The following LDLRAD3 variants were observed in gnomAD, a reference collection of about 807,000 sequenced individuals.
The protein encoded by LDLRAD3 is low density lipoprotein receptor class A domain containing 3.
A neutral mutation model predicts 29.4 loss-of-function variants in LDLRAD3; 20 were observed. That is an observed-to-expected ratio of 0.68 (90% CI 0.48 to 0.99). LDLRAD3 has a LOEUF of 0.99. Ranked by LOEUF, LDLRAD3 falls within the 50% of genes least tolerant of loss-of-function variation. LDLRAD3 has a pLI of 0.00. For missense variants in LDLRAD3, 420 were observed against 454.3 expected (o/e 0.92, Z 0.69); for synonymous variants, 157 against 192.7 (o/e 0.81, Z 1.53).
intron 1 of LDLRAD3, among the ~76,000 whole-genome samples, chr11:36,015,575 C>T (rs919006045): frequency 6.6e-6 from 1 of 152,072 alleles, no homozygotes; most frequent in African/African-American, 2.4e-5. Context: ...ATGAAGTAAA[C>T]ACACCTGGGG....
chr11:36,032,853 C>G (rs1590216740), intron 1 of LDLRAD3, among the ~76,000 whole-genome samples: 1 of 151,822 alleles, frequency 6.6e-6, no homozygotes, highest in Admixed American at 6.6e-5. Flanking sequence ...AAGATTTAAC[C>G]TGCCTTTGCC....
chr11:36,226,672 C>T (rs181623282), intron 4 of LDLRAD3, among the ~76,000 whole-genome samples: 204 of 152,294 alleles, frequency 1.3e-3, no homozygotes, highest in African/African-American at 4.8e-3. Flanking sequence ...ATTCCTCATA[C>T]CCATTGACTG....
chr11:36,154,158 C>T (rs1854314904), intron 4 of LDLRAD3, among the ~76,000 whole-genome samples: 1 of 152,168 alleles, frequency 6.6e-6, no homozygotes. Context: ...AGAATGTTCT[C>T]TCGCATTCTG....
chr11:35,951,140 T>C (rs1014075862), intron 1 of LDLRAD3, among the ~76,000 whole-genome samples: 8 of 152,128 alleles, frequency 5.3e-5, no homozygotes, highest in Non-Finnish European at 1.0e-4. Context: ...GATACAAAAT[T>C]CATACAAATT....
chr11:36,012,477 A>C (rs1028261630), intron 1 of LDLRAD3, among the ~76,000 whole-genome samples: 3 of 152,188 alleles, frequency 2.0e-5, no homozygotes, highest in African/African-American at 7.2e-5. Context: ...GGCATACCTG[A>C]ATTACCAGCA....
chr11:36,231,481 C>T lies in LDLRAD3; in HGVS notation c.*2084C>T, dbSNP rs2133398283. 1 of 152,148 alleles carries T rather than the reference C, an allele frequency of 6.6e-6. No homozygotes were observed. Among genetic ancestry groups the T allele is most frequent in the East Asian group, 1.9e-4 (1 of 5,180 alleles). 9.4% of individuals were successfully genotyped at this position (152,148 alleles called of 1,614,324 possible). A position where few individuals can be genotyped will look rare whatever the true frequency, so the allele number is the denominator to read the frequency against. On this transcript the variant is annotated 3_prime_UTR_variant, in exon 6 of 6. Coordinates refer to ENST00000315571, the MANE Select transcript of LDLRAD3 (RefSeq NM_174902.4). The stretch of plus-strand genomic sequence containing the variant: ...GTGAGTCAGAAGGGCTTTATTTCTC[C>T]CTTTGATGGGGCCCCTTCTTCTTTC...
chr11:36,204,981 C>A (rs1052033705), intron 4 of LDLRAD3, among the ~76,000 whole-genome samples: 1 of 152,154 alleles, frequency 6.6e-6, no homozygotes, highest in African/African-American at 2.4e-5. Flanking sequence ...TTCTTGCCCC[C>A]GCCCTAATGC....
At chr11:36,041,984 G>T (rs1378538829) in intron 2 of LDLRAD3, among the ~76,000 whole-genome samples, 3 of 152,138 alleles carry the variant, frequency 2.0e-5, no homozygotes, top group Admixed American at 6.5e-5. Context: ...AATGGGATTT[G>T]AATTTTACTT....
At chr11:35,962,982 A>G (rs1255489806) in intron 1 of LDLRAD3, among the ~76,000 whole-genome samples, 1 of 152,218 alleles carries the variant, frequency 6.6e-6, no homozygotes, top group Non-Finnish European at 1.5e-5. Context: ...TCAAAACAAC[A>G]CAGAGATCAG....
At chr11:36,064,277 A>G (rs1565195943) in intron 2 of LDLRAD3, among the ~76,000 whole-genome samples, 3 of 152,128 alleles carry the variant, frequency 2.0e-5, no homozygotes, top group Non-Finnish European at 2.9e-5. Flanking sequence ...CAACCTTGCT[A>G]AACTTGTTCG....
At chr11:36,121,205 G>A (rs1254497320) in intron 4 of LDLRAD3, among the ~76,000 whole-genome samples, 1 of 152,166 alleles carries the variant, frequency 6.6e-6, no homozygotes, top group Non-Finnish European at 1.5e-5. Flanking sequence ...CAGTGGCCAA[G>A]GGAAGGGAGG....
intron 3 of LDLRAD3, among the ~76,000 whole-genome samples, chr11:36,092,332 A>G (rs1454095271): frequency 6.6e-6 from 1 of 152,140 alleles, no homozygotes; most frequent in East Asian, 1.9e-4. Flanking sequence ...ATGCATATAT[A>G]TGGGGTACAG....
intron 4 of LDLRAD3, among the ~76,000 whole-genome samples, chr11:36,103,669 C>T (rs1853484877): frequency 6.6e-6 from 1 of 152,194 alleles, no homozygotes; most frequent in Admixed American, 6.5e-5. Flanking sequence ...GGGCAACACC[C>T]TTTTCCACGC....
intron 3 of LDLRAD3, among the ~76,000 whole-genome samples, chr11:36,089,748 T>C (rs1853249116): frequency 6.6e-6 from 1 of 151,992 alleles, no homozygotes; most frequent in Admixed American, 6.6e-5. Context: ...TACAGGTGCA[T>C]GCCACCTTGC....
intron 4 of LDLRAD3, among the ~76,000 whole-genome samples, chr11:36,199,604 C>T (rs201855715): frequency 0.066 from 10,018 of 151,554 alleles, 437 homozygotes; most frequent in East Asian, 0.19. Context: ...CACGCGTGCG[C>T]GCACACGCTT....
At chr11:36,103,030 G>A (rs1434054895) in intron 4 of LDLRAD3, among the ~76,000 whole-genome samples, 1 of 152,036 alleles carries the variant, frequency 6.6e-6, no homozygotes, top group Non-Finnish European at 1.5e-5. Context: ...TAAGTATACA[G>A]TTCAGTAGAT....
At chr11:36,125,327 T>C (rs1237971806) in intron 4 of LDLRAD3, among the ~76,000 whole-genome samples, 1 of 152,206 alleles carries the variant, frequency 6.6e-6, no homozygotes, top group Non-Finnish European at 1.5e-5. Flanking sequence ...TTGTCGACTA[T>C]GTGACTTTTA....
chr11:36,098,517 A>G (rs998141500), intron 4 of LDLRAD3, 56 bp downstream of exon 4: 11 of 1,596,132 alleles, frequency 6.9e-6, no homozygotes, highest in African/African-American at 1.3e-5. Context: ...GCAGTAATGG[A>G]ACACCCTGAA....
chr11:36,205,417 C>T (rs7104330), intron 4 of LDLRAD3, among the ~76,000 whole-genome samples: 46,409 of 152,018 alleles, frequency 0.31, 7,262 homozygotes, highest in African/African-American at 0.39. Flanking sequence ...GTCTTGGTGT[C>T]CCTGATGAAG....
Sources: allele counts gnomAD v4.1 joint callset (sites outside exome capture counted in the v4.1 genomes callset), GRCh38; gene constraint gnomAD v4.1.1; transcripts MANE v1.5; gene names NCBI Gene and HGNC (gene_info 2026-07-23, HGNC 2026-07-21).